FGF14: variants seen among roughly 807,000 people sequenced by gnomAD.
FGF14 encodes the protein fibroblast growth factor homologous factor 4.
A neutral mutation model predicts 25.5 loss-of-function variants in FGF14; 5 were observed. The observed-to-expected ratio is 0.20, with a 90% CI of 0.10 to 0.41. The LOEUF is 0.41. Ranked by LOEUF, FGF14 falls within the 10% of genes least tolerant of loss-of-function variation. FGF14 has a pLI of 1.00. For synonymous variants in FGF14, 138 were observed against 118.3 expected (o/e 1.17, Z -1.08); for missense variants, 222 against 320.1 (o/e 0.69, Z 2.34).
At chr13:101,738,120 G>A (rs1203131321) in intron 3 of FGF14, among the ~76,000 whole-genome samples, 2 of 152,170 alleles carry the variant, frequency 1.3e-5, no homozygotes, top group East Asian at 1.9e-4. Flanking sequence ...TGTGAAAGAT[G>A]CTTTAAGAAG....
At chr13:102,373,141 A>G (rs1047760142) in intron 1 of FGF14, among the ~76,000 whole-genome samples, 10 of 152,144 alleles carry the variant, frequency 6.6e-5, no homozygotes, top group African/African-American at 1.4e-4. Flanking sequence ...CTCAGGACAG[A>G]TAAGTTCCTA....
At chr13:102,157,882 A>G (rs1370276872) in intron 1 of FGF14, among the ~76,000 whole-genome samples, 1 of 152,254 alleles carries the variant, frequency 6.6e-6, no homozygotes, top group Non-Finnish European at 1.5e-5. Context: ...ACACTTCTCC[A>G]AAGAAGACAT....
chr13:102,006,263 C>T (rs1025412964), intron 1 of FGF14, among the ~76,000 whole-genome samples: 1 of 152,132 alleles, frequency 6.6e-6, no homozygotes, highest in African/African-American at 2.4e-5. Flanking sequence ...TTACAAAAAA[C>T]TTATTTGTGA....
intron 1 of FGF14, among the ~76,000 whole-genome samples, chr13:101,931,361 C>A (rs200376996): frequency 7.0e-4 from 106 of 152,266 alleles, no homozygotes; most frequent in African/African-American, 2.3e-3. Flanking sequence ...TTTTCACCAG[C>A]AATTTAGTTA....
chr13:102,365,581 AT>A (rs2057687533), intron 1 of FGF14, among the ~76,000 whole-genome samples: 2 of 151,918 alleles, frequency 1.3e-5, no homozygotes, highest in Non-Finnish European at 2.9e-5. Context: ...GTTATCTTTG[AT>A]TCCTTGTTTT....
At chr13:101,863,942 C>A (rs1021957622) in intron 3 of FGF14, among the ~76,000 whole-genome samples, 2 of 151,968 alleles carry the variant, frequency 1.3e-5, no homozygotes, top group African/African-American at 4.8e-5. Context: ...ATAAGAGAAG[C>A]CTGCTGGCAC....
intron 3 of FGF14, among the ~76,000 whole-genome samples, chr13:101,833,174 CT>C (rs760271824): frequency 4.6e-5 from 7 of 151,976 alleles, no homozygotes; most frequent in Non-Finnish European, 1.0e-4. Flanking sequence ...CATTCTGCAC[CT>C]TTCTAAACAG....
chr13:101,810,460 A>T (rs1386364375), intron 3 of FGF14, among the ~76,000 whole-genome samples: 1 of 152,194 alleles, frequency 6.6e-6, no homozygotes, highest in African/African-American at 2.4e-5. Context: ...ACTCTATTTG[A>T]TGCATTAGAT....
chr13:102,314,941 A>G (rs1427954987), intron 1 of FGF14, among the ~76,000 whole-genome samples: 1 of 148,454 alleles, frequency 6.7e-6, no homozygotes, highest in Non-Finnish European at 1.5e-5. Context: ...AAAATTATAC[A>G]TATTATATTA....
chr13:102,080,730 C>G (rs2043579840), intron 1 of FGF14, among the ~76,000 whole-genome samples: 1 of 152,176 alleles, frequency 6.6e-6, no homozygotes, highest in Non-Finnish European at 1.5e-5. Flanking sequence ...ATGTAGACAG[C>G]AGAATGAGGA....
chr13:102,396,919 A>G (rs972220143), intron 1 of FGF14, among the ~76,000 whole-genome samples: 1 of 152,198 alleles, frequency 6.6e-6, no homozygotes, highest in Non-Finnish European at 1.5e-5. Context: ...AGCTTCCTGG[A>G]TGGAGTCTAA....
At chr13:102,310,695 G>GTT (rs1555399357) in intron 1 of FGF14, among the ~76,000 whole-genome samples, 3 of 34,506 alleles carry the variant, frequency 8.7e-5, no homozygotes, top group African/African-American at 2.9e-4. Flanking sequence ...CTGTGTGTGT[G>GTT]TGGGGGGGGG....
chr13:101,773,400 A>G (rs889287290), intron 3 of FGF14, among the ~76,000 whole-genome samples: 1 of 151,706 alleles, frequency 6.6e-6, no homozygotes, highest in Non-Finnish European at 1.5e-5. Flanking sequence ...CACACCAAGC[A>G]CTTGTGGGCA....
chr13:101,798,863 G>C (rs1242582901), intron 3 of FGF14, among the ~76,000 whole-genome samples: 1 of 152,120 alleles, frequency 6.6e-6, no homozygotes, highest in Admixed American at 6.6e-5. Context: ...TAAGCAGTGA[G>C]AAAGTCAGCT....
At chr13:102,210,785 A>C (rs1215639911) in intron 1 of FGF14, among the ~76,000 whole-genome samples, 1 of 152,214 alleles carries the variant, frequency 6.6e-6, no homozygotes, top group Non-Finnish European at 1.5e-5. Context: ...ACCACGTAGG[A>C]CAGAGAATAT....
chr13:102,060,604 T>C (rs898120533), intron 1 of FGF14, among the ~76,000 whole-genome samples: 2 of 152,230 alleles, frequency 1.3e-5, no homozygotes, highest in Non-Finnish European at 2.9e-5. Context: ...CTATCCTCAA[T>C]GTTTTTTAAC....
At chr13:102,243,162 G>T (rs1243500104) in intron 1 of FGF14, among the ~76,000 whole-genome samples, 1 of 152,052 alleles carries the variant, frequency 6.6e-6, no homozygotes. Context: ...CTGGGTCTCT[G>T]AATAACATAA....
At chr13:102,222,009 C>CA (rs1427505169) in intron 1 of FGF14, among the ~76,000 whole-genome samples, 1 of 152,108 alleles carries the variant, frequency 6.6e-6, no homozygotes, top group Non-Finnish European at 1.5e-5. Flanking sequence ...TCTTTAGCAA[C>CA]AATACTTTTT....
At chr13:101,871,349 T>C (rs2045069205) in intron 2 of FGF14, among the ~76,000 whole-genome samples, 1 of 152,122 alleles carries the variant, frequency 6.6e-6, no homozygotes, top group Admixed American at 6.6e-5. Flanking sequence ...CTCAACCCCA[T>C]ACCTATTAAA....
Sources: gnomAD v4.1 joint callset for allele counts (sites outside exome capture counted in the v4.1 genomes callset) on GRCh38, gnomAD v4.1.1 for gene constraint, MANE v1.5 for transcripts, NCBI Gene and HGNC (gene_info 2026-07-23, HGNC 2026-07-21) for gene names.